The following CTNNA2 variants were observed in gnomAD, a reference collection of about 807,000 sequenced individuals.
CTNNA2 encodes catenin alpha 2.
CTNNA2 carries 42 observed loss-of-function variants against 101.0 expected under a neutral mutation model. The ratio of observed to expected loss-of-function variants is 0.42; its 90% CI spans 0.32 to 0.54. The LOEUF (loss-of-function observed/expected upper bound fraction) is 0.54, where lower values mean the gene tolerates loss of function less well. Ranked by LOEUF, CTNNA2 falls within the 20% of genes least tolerant of loss-of-function variation. The pLI is 0.14. For synonymous variants in CTNNA2, 450 were observed against 456.4 expected, an observed-to-expected ratio of 0.99 and a Z score of 0.18; for missense variants, 871 against 1,223.1, an observed-to-expected ratio of 0.71 and a Z score of 4.29.
intron 7 of CTNNA2, among the ~76,000 whole-genome samples, chr2:80,084,097 G>C (rs1699308478): frequency 6.6e-6 from 1 of 152,092 alleles, no homozygotes; most frequent in South Asian, 2.1e-4. Context: ...AGGTAGACCT[G>C]CATTACCAAG....
intron 7 of CTNNA2, among the ~76,000 whole-genome samples, chr2:80,254,891 G>A (rs1455477638): frequency 6.6e-6 from 1 of 152,068 alleles, no homozygotes; most frequent in East Asian, 1.9e-4. Flanking sequence ...CATCTCAAAT[G>A]GAAGAGACAG....
chr2:79,489,504 G>A (rs1165688103), intron 4 of CTNNA2, among the ~76,000 whole-genome samples: 2 of 152,184 alleles, frequency 1.3e-5, no homozygotes, highest in Non-Finnish European at 2.9e-5. Flanking sequence ...TGTACCCTCA[G>A]ATAATGTAGG....
At chr2:80,596,958 T>G (rs1370047924) in intron 15 of CTNNA2, among the ~76,000 whole-genome samples, 1 of 152,160 alleles carries the variant, frequency 6.6e-6, no homozygotes, top group Non-Finnish European at 1.5e-5. Flanking sequence ...CTGCTTCTAT[T>G]AAGATAATCA....
At chr2:79,647,666 T>C (rs2104454152) in intron 1 of CTNNA2, among the ~76,000 whole-genome samples, 2 of 152,354 alleles carry the variant, frequency 1.3e-5, no homozygotes, top group African/African-American at 4.8e-5. Context: ...TGATAAATAC[T>C]TGAATGGCAG....
chr2:80,135,330 C>G (rs920591529), intron 7 of CTNNA2, among the ~76,000 whole-genome samples: 1 of 152,186 alleles, frequency 6.6e-6, no homozygotes, highest in African/African-American at 2.4e-5. Flanking sequence ...CAAAAGCCAG[C>G]AGGCCTGAAA....
At chr2:79,232,744 C>T (rs1295723395) in intron 2 of CTNNA2, among the ~76,000 whole-genome samples, 1 of 152,058 alleles carries the variant, frequency 6.6e-6, no homozygotes, top group East Asian at 1.9e-4. Context: ...CAGGTTTTCA[C>T]TTGCTTTCTG....
At chr2:80,278,968 C>CA (rs1674139611) in intron 7 of CTNNA2, among the ~76,000 whole-genome samples, 2 of 151,304 alleles carry the variant, frequency 1.3e-5, no homozygotes, top group African/African-American at 2.4e-5. Flanking sequence ...CTGTCTCTTA[C>CA]AAAAAAATTG....
intron 9 of CTNNA2, among the ~76,000 whole-genome samples, chr2:80,476,741 C>G (rs1040351300): frequency 2.6e-5 from 4 of 152,072 alleles, no homozygotes; most frequent in African/African-American, 9.7e-5. Flanking sequence ...GGAGCAGTCT[C>G]TTTGGGAATG....
intron 7 of CTNNA2, among the ~76,000 whole-genome samples, chr2:79,962,022 AT>A (rs1325224572): frequency 6.6e-6 from 1 of 152,166 alleles, no homozygotes; most frequent in Non-Finnish European, 1.5e-5. Flanking sequence ...TGGGAAGTAA[AT>A]TCACAATAAC....
intron 3 of CTNNA2, among the ~76,000 whole-genome samples, chr2:79,370,476 T>C (rs529869139): frequency 2.6e-4 from 40 of 152,312 alleles, no homozygotes; most frequent in African/African-American, 9.4e-4. Flanking sequence ...TAGAAAATCA[T>C]TGGAAAAATA....
At chr2:79,764,520 T>A (rs181119881) in intron 3 of CTNNA2, among the ~76,000 whole-genome samples, 85 of 149,928 alleles carry the variant, frequency 5.7e-4, no homozygotes, top group African/African-American at 2.0e-3. Flanking sequence ...TATTTTAACA[T>A]TACATAAATT....
chr2:80,311,862 T>C (rs1281895479), intron 7 of CTNNA2, among the ~76,000 whole-genome samples: 1 of 152,222 alleles, frequency 6.6e-6, no homozygotes, highest in African/African-American at 2.4e-5. Flanking sequence ...ACTTATTTAA[T>C]TGCAGTTTAT....
intron 6 of CTNNA2, among the ~76,000 whole-genome samples, chr2:79,892,239 C>T (rs919142618): frequency 3.9e-5 from 6 of 152,018 alleles, no homozygotes; most frequent in Non-Finnish European, 7.4e-5. Context: ...TACCAGAGCT[C>T]CTGTAAGCTT....
At chr2:79,646,524 C>CTTTTTTTTTTTTTTTTTTTTTT (rs67454188) in intron 1 of CTNNA2, among the ~76,000 whole-genome samples, 1 of 106,140 alleles carries the variant, frequency 9.4e-6, no homozygotes, top group Non-Finnish European at 1.8e-5. Context: ...TTCTTTCTGT[C>CTTTTTTTTTTTTTTTTTTTTTT]TTTTTTTTTT....
intron 7 of CTNNA2, among the ~76,000 whole-genome samples, chr2:80,290,130 T>C (rs974699184): frequency 6.6e-6 from 1 of 152,174 alleles, no homozygotes; most frequent in African/African-American, 2.4e-5. Context: ...AGGATTGTTT[T>C]CTGAATTTTA....
At chr2:80,101,936 T>A (rs1054559085) in intron 7 of CTNNA2, among the ~76,000 whole-genome samples, 7 of 152,190 alleles carry the variant, frequency 4.6e-5, no homozygotes, top group African/African-American at 1.7e-4. Flanking sequence ...ACTAGGGAAG[T>A]CTGCTCTTGT....
intron 7 of CTNNA2, among the ~76,000 whole-genome samples, chr2:80,265,568 G>C (rs1161211592): frequency 6.6e-6 from 1 of 152,146 alleles, no homozygotes; most frequent in Admixed American, 6.5e-5. Context: ...TCCCAAACCT[G>C]AGAGGTGACA....
intron 7 of CTNNA2, among the ~76,000 whole-genome samples, chr2:80,039,177 AG>A: frequency 6.6e-6 from 1 of 152,022 alleles, no homozygotes; most frequent in African/African-American, 2.4e-5. Context: ...GGGTAGATGG[AG>A]GGTAGGGAGG....
Position 79,362,744 on chromosome 2 carries a change from C to T in CTNNA2, c.-317-11087C>T, listed in dbSNP as rs561473274. On this transcript the variant is annotated intron_variant, in intron 3 of 21. Transcript: ENST00000466387. ...GCAGTTTCCCCATCAGCTGTGGTGA[C>T]CCCAACATTTCTGATAGTGGCAGCT... Among the ~76,000 whole-genome samples, 14 of 152,278 alleles carry T rather than the reference C, an allele frequency of 9.2e-5. No individual in the cohort carries two copies. In the South Asian group the frequency reaches 2.9e-3, roughly 32 times the overall value.
Sources: allele counts gnomAD v4.1 joint callset (sites outside exome capture counted in the v4.1 genomes callset), GRCh38; gene constraint gnomAD v4.1.1; transcripts MANE v1.5; gene names NCBI Gene and HGNC (gene_info 2026-07-23, HGNC 2026-07-21).